The following CSMD3 variants were observed in gnomAD, a reference collection of about 807,000 sequenced individuals.
CSMD3 encodes the protein CUB and Sushi multiple domains 3, also known as CUB and sushi domain-containing protein 3.
In CSMD3, 177 loss-of-function variants were observed where a neutral mutation model predicts 435.2. That is an observed-to-expected ratio of 0.41 (90% CI 0.36 to 0.46). The LOEUF (loss-of-function observed/expected upper bound fraction) is 0.46, where lower values mean the gene tolerates loss of function less well. Ranked by LOEUF, CSMD3 falls within the 20% of genes least tolerant of loss-of-function variation. The pLI, the probability that CSMD3 is intolerant of heterozygous loss-of-function variation, is 0.34. For missense variants in CSMD3, 4,265 were observed against 4,504.6 expected, an observed-to-expected ratio of 0.95 and a Z score of 1.52; for synonymous variants, 1,656 against 1,520.5, an observed-to-expected ratio of 1.09 and a Z score of -2.07.
chr8:112,431,283 T>C (rs1244332961), intron 32 of CSMD3, among the ~76,000 whole-genome samples: 3 of 152,178 alleles, frequency 2.0e-5, no homozygotes, highest in African/African-American at 7.2e-5. Context: ...AAATCAATTA[T>C]ACTTTTTGAA....
At chr8:112,694,405 T>G (rs1586987654) in intron 13 of CSMD3, among the ~76,000 whole-genome samples, 1 of 152,174 alleles carries the variant, frequency 6.6e-6, no homozygotes, top group Non-Finnish European at 1.5e-5. Flanking sequence ...TCAAAACAAT[T>G]GTAAATGTTC....
At chr8:112,976,643 A>G (rs1346380531) in intron 6 of CSMD3, among the ~76,000 whole-genome samples, 2 of 152,092 alleles carry the variant, frequency 1.3e-5, no homozygotes, top group Non-Finnish European at 2.9e-5. Flanking sequence ...TCAAAGCCAA[A>G]ATGAAAACAA....
In CSMD3 at chr8:112,417,628, G is replaced by A. The variant is rs73700701; in HGVS notation, c.5396-8596C>T. ...TGAGTACTCCAGCTATTTTAATCAA[G>A]CTTAGTTTGTCTTAAGACTTCAAGA... is the stretch of plus-strand genomic sequence containing the variant. On this transcript the variant is annotated intron_variant, in intron 32 of 70. Coordinates refer to ENST00000297405, the MANE Select transcript of CSMD3 (RefSeq NM_198123.2). 1.3e-3 allele frequency among the ~76,000 whole-genome samples: 202 copies of A among 152,172 alleles called. 1 individual carries two copies. Among genetic ancestry groups the A allele is most frequent in the African/African-American group, 4.7e-3 (196 of 41,556 alleles).
chr8:112,403,700 C>T (rs1831523436), intron 35 of CSMD3, among the ~76,000 whole-genome samples: 3 of 151,796 alleles, frequency 2.0e-5, no homozygotes, highest in Non-Finnish European at 4.4e-5. Flanking sequence ...CTTCCAAAGG[C>T]CCCACTTCTT....
chr8:112,357,801 A>G (rs2131095219), intron 38 of CSMD3, among the ~76,000 whole-genome samples: 1 of 152,316 alleles, frequency 6.6e-6, no homozygotes, highest in East Asian at 1.9e-4. Context: ...TCCAGGTAGA[A>G]GTTTGCTGCA....
intron 6 of CSMD3, among the ~76,000 whole-genome samples, chr8:112,979,487 A>T (rs2130954146): frequency 6.6e-6 from 1 of 151,776 alleles, no homozygotes; most frequent in East Asian, 1.9e-4. Flanking sequence ...TTAACAGTTT[A>T]AAAATACTCA....
intron 45 of CSMD3, among the ~76,000 whole-genome samples, chr8:112,326,004 C>T (rs1322257702): frequency 6.6e-6 from 1 of 152,016 alleles, no homozygotes; most frequent in Non-Finnish European, 1.5e-5. Flanking sequence ...AATTGGGTTT[C>T]TATTTCTTCA....
At chr8:112,549,782 G>C (rs1341032425) in intron 27 of CSMD3, among the ~76,000 whole-genome samples, 1 of 151,858 alleles carries the variant, frequency 6.6e-6, no homozygotes, top group Non-Finnish European at 1.5e-5. Flanking sequence ...ACGTCAATTA[G>C]AAAACCCAGT....
intron 58 of CSMD3, among the ~76,000 whole-genome samples, chr8:112,283,467 A>T (rs1258137659): frequency 6.6e-6 from 1 of 151,690 alleles, no homozygotes; most frequent in Non-Finnish European, 1.5e-5. Context: ...ATAGAAATTG[A>T]TATTTATATA....
intron 53 of CSMD3, among the ~76,000 whole-genome samples, chr8:112,300,450 T>C (rs1820810953): frequency 6.6e-6 from 1 of 151,970 alleles, no homozygotes; most frequent in East Asian, 1.9e-4. Context: ...TAATCACATA[T>C]TAATACATAA....
At chr8:112,593,626 G>A (rs6993802) in intron 22 of CSMD3, among the ~76,000 whole-genome samples, 86,898 of 151,928 alleles carry the variant, frequency 0.57, 25,352 homozygotes, top group African/African-American at 0.67. Flanking sequence ...ACATATATAT[G>A]TACACATATT....
chr8:112,692,293 T>TA, intron 13 of CSMD3, among the ~76,000 whole-genome samples: 2 of 152,150 alleles, frequency 1.3e-5, no homozygotes, highest in Non-Finnish European at 2.9e-5. Context: ...TCTAAATTGA[T>TA]ATGGAGAGAT....
intron 63 of CSMD3, among the ~76,000 whole-genome samples, chr8:112,252,929 A>C (rs1815418759): frequency 6.6e-6 from 1 of 151,780 alleles, no homozygotes; most frequent in South Asian, 2.1e-4. Context: ...ACTTTGTTAC[A>C]GCATTTTTCA....
At chr8:112,266,405 A>G (rs1447106109) in intron 59 of CSMD3, among the ~76,000 whole-genome samples, 1 of 152,198 alleles carries the variant, frequency 6.6e-6, no homozygotes, top group African/African-American at 2.4e-5. Context: ...GACCCATCCC[A>G]AGGACACAAG....
intron 5 of CSMD3, among the ~76,000 whole-genome samples, chr8:113,095,031 AC>A (rs1358124904): frequency 6.6e-6 from 1 of 151,952 alleles, no homozygotes; most frequent in Non-Finnish European, 1.5e-5. Flanking sequence ...AGATTGCACC[AC>A]TGCACTCCAG....
At chr8:112,286,871 G>T (rs562216774) in intron 58 of CSMD3, among the ~76,000 whole-genome samples, 193 bp downstream of exon 58, 5 of 152,018 alleles carry the variant, frequency 3.3e-5, no homozygotes, top group African/African-American at 9.6e-5. Flanking sequence ...GACCAATGAG[G>T]GTTTTTTAAA....
At position 113,184,408 on chromosome 8, in the gene CSMD3, T is replaced by C. The variant is rs191521325; in HGVS notation, c.515-10492A>G. ...CGAAAATCTCAATCCTCTACTCCTG[T>C]CTTGGTCTTTTGGGTGGCCAGCCTC... On this transcript the variant is annotated intron_variant, in intron 3 of 70. Coordinates refer to ENST00000297405, the MANE Select transcript of CSMD3 (RefSeq NM_198123.2). 5.8e-3 allele frequency among the ~76,000 whole-genome samples: 878 copies of C among 152,088 alleles called. 2 individuals are homozygous for C. Among genetic ancestry groups the C allele is most frequent in the Non-Finnish European group, 8.6e-3 (586 of 67,964 alleles).
At chr8:113,217,705 G>C (rs1448819417) in intron 3 of CSMD3, among the ~76,000 whole-genome samples, 1 of 151,508 alleles carries the variant, frequency 6.6e-6, no homozygotes, top group Non-Finnish European at 1.5e-5. Flanking sequence ...CAAAGGCTTA[G>C]TGATATGTAG....
rs564798056 is a variant in CSMD3, at chr8:113,298,733, C to T, written c.401+15838G>A. On this transcript the variant is annotated intron_variant, in intron 2 of 70. Transcript: ENST00000297405. The stretch of plus-strand genomic sequence containing the variant: ...GACTAGTTACATGTTTGGTAAAATC[C>T]GAAGGACATAGCAGAGATGAAAAAC... Among the ~76,000 whole-genome samples, 9 of 152,024 alleles carry T rather than the reference C, an allele frequency of 5.9e-5. No individual in the cohort carries two copies. In the South Asian group the frequency reaches 1.9e-3, roughly 32 times the overall value.
Sources: allele counts gnomAD v4.1 joint callset (sites outside exome capture counted in the v4.1 genomes callset), GRCh38; gene constraint gnomAD v4.1.1; transcripts MANE v1.5; gene names NCBI Gene and HGNC (gene_info 2026-07-23, HGNC 2026-07-21).